Variants in MFAP3L observed in about 807,000 individuals in gnomAD.
MFAP3L encodes the protein microfibrillar-associated protein 3-like.
A neutral mutation model predicts 20.0 loss-of-function variants in MFAP3L; 5 were observed. The observed-to-expected ratio is 0.25, with a 90% confidence interval of 0.13 to 0.53. The LOEUF is 0.53. Ranked by LOEUF, MFAP3L falls within the 20% of genes least tolerant of loss-of-function variation. The pLI is 0.96. For synonymous variants in MFAP3L, 219 were observed against 213.0 expected (o/e 1.03, Z -0.25); for missense variants, 409 against 527.5 (o/e 0.78, Z 2.20).
chr4:170,014,404 G>C (rs1344119627), intron 1 of MFAP3L, among the ~76,000 whole-genome samples: 1 of 152,244 alleles, frequency 6.6e-6, no homozygotes, highest in Non-Finnish European at 1.5e-5. Flanking sequence ...GGCAGGAGCT[G>C]ATGGATGTCT....
At chr4:169,998,379 CT>C (rs1223924304) in intron 2 of MFAP3L, among the ~76,000 whole-genome samples, 1 of 152,232 alleles carries the variant, frequency 6.6e-6, no homozygotes, top group Non-Finnish European at 1.5e-5. Context: ...ACACAAACAA[CT>C]TCTGAGCAAA....
chr4:169,991,169 C>T lies in MFAP3L; in HGVS notation c.*209G>A, dbSNP rs1266929512. ...AGACACCTTCTGTCTGGTATCAATT[C>T]TGCACCCTGATGTTTCTCGCACCCT... On this transcript the variant is annotated 3_prime_UTR_variant, in exon 3 of 3. Coordinates refer to ENST00000361618, the MANE Select transcript of MFAP3L (RefSeq NM_021647.8). The surrounding 1 kb of genome is among the most constrained non-coding windows in gnomAD (Gnocchi z 4.9). The T allele has an allele frequency of 5.1e-6, 3 of 593,846 alleles. No individual in the cohort carries two copies. Among genetic ancestry groups the T allele is most frequent in the Non-Finnish European group, 8.9e-6 (3 of 338,126 alleles). 36.8% of individuals were successfully genotyped at this position (593,846 alleles called of 1,614,324 possible).
chr4:169,992,302 C>T lies in MFAP3L; in HGVS notation c.306G>A (p.Trp102Ter). ...TCAGGAGGCCGCTGTCGTGCATTTG[C>T]CATTTTCCTGTCGGAAGGGAGAGAA... is the stretch of plus-strand genomic sequence containing the variant. The part of the protein sequence containing the change: ...EDEKERGGGK[W>*]QMHDSGLLNI... The change falls in exon 3 of 3, where the codon TGG becomes TGA. Residue 102 changes from tryptophan to a stop codon, truncating the protein, a stop_gained. Transcript: ENST00000361618. LOFTEE classifies it high-confidence loss of function. This position sits in a 1 kb window ranked among gnomAD's most constrained non-coding sequence, Gnocchi z 4.3. 1 of 1,604,694 alleles carries T rather than the reference C, an allele frequency of 6.2e-7. No individual in the cohort carries two copies. The highest frequency in any genetic ancestry group is 2.2e-5 in the East Asian group (1 of 44,698).
chr4:170,019,530 C>T (rs570974926), intron 1 of MFAP3L, among the ~76,000 whole-genome samples: 5 of 152,082 alleles, frequency 3.3e-5, no homozygotes, highest in Admixed American at 1.3e-4. Context: ...GGCAACAGAG[C>T]GAGACCTCAT....
rs759421553 is a variant in MFAP3L at position 169,991,724 on chromosome 4, C to T, written c.884G>A (p.Arg295Gln). The change falls in exon 3 of 3, where the codon CGG becomes CAG. Residue 295 changes from arginine to glutamine, a missense_variant. Arg to Gln is a conservative substitution (Grantham distance 43). This residue lies in a region of MFAP3L where 169 missense variants were observed against 178.2 expected (regional missense o/e 0.95). Coordinates refer to ENST00000361618, the MANE Select transcript of MFAP3L (RefSeq NM_021647.8). The surrounding 1 kb of genome is among the most constrained non-coding windows in gnomAD (Gnocchi z 4.9). ...CGAGTCAGCGGCAGGGGAGTCGCTC[C>T]GCTTCAGAGAGTTGGGGATTGTGTA... is the stretch of plus-strand genomic sequence containing the variant. ...EVYTIPNSLK[R>Q]SDSPAADSDA... 57 of 1,613,936 alleles carry T rather than the reference C, an allele frequency of 3.5e-5. No individual in the cohort carries two copies. Among genetic ancestry groups the T allele is most frequent in the South Asian group, 2.5e-4 (23 of 91,068 alleles).
chr4:170,003,798 C>T, intron 2 of MFAP3L: 12 of 985,432 alleles, frequency 1.2e-5, no homozygotes, highest in Non-Finnish European at 1.4e-5. Context: ...ACCTGGCCTG[C>T]AGTGTCTTTG....
At chr4:170,022,229 G>C (rs867084333) in intron 1 of MFAP3L, among the ~76,000 whole-genome samples, 1 of 152,204 alleles carries the variant, frequency 6.6e-6, no homozygotes, top group South Asian at 2.1e-4. Flanking sequence ...CCAGAGACCT[G>C]AATTACAGCA....
upstream of MFAP3L, chr4:170,027,240 A>G (rs904420344): frequency 1.8e-4 from 12 of 66,652 alleles, no homozygotes; most frequent in Non-Finnish European, 3.9e-4. Context: ...TTTTTTTTTT[A>G]ATTTTAAAAG....
chr4:169,994,625 A>G, intron 2 of MFAP3L: 1 of 860,402 alleles, frequency 1.2e-6, no homozygotes, highest in African/African-American at 1.8e-5. Context: ...AAGCAGTTCA[A>G]TTTAGACAAC....
intron 1 of MFAP3L, among the ~76,000 whole-genome samples, chr4:170,010,873 G>C (rs1739337195): frequency 6.6e-6 from 1 of 152,092 alleles, no homozygotes. Context: ...TAGATAATTA[G>C]GGTGATCTCT....
chr4:170,004,117 C>A (rs1377380861), intron 2 of MFAP3L, among the ~76,000 whole-genome samples: 1 of 152,040 alleles, frequency 6.6e-6, no homozygotes, highest in Non-Finnish European at 1.5e-5. Flanking sequence ...CCACCATGTC[C>A]GGCTAATTTT....
chr4:170,017,025 C>G (rs1327656978), intron 1 of MFAP3L, among the ~76,000 whole-genome samples: 1 of 152,216 alleles, frequency 6.6e-6, no homozygotes, highest in Non-Finnish European at 1.5e-5. Context: ...CGCACAGTCC[C>G]TCATTCCTGT....
At chr4:170,009,974 T>C (rs17055385) in intron 1 of MFAP3L, among the ~76,000 whole-genome samples, 14,050 of 152,262 alleles carry the variant, frequency 0.092, 986 homozygotes, top group African/African-American at 0.19. Context: ...CAACTGGATT[T>C]TGTTGCAACA....
intron 2 of MFAP3L, among the ~76,000 whole-genome samples, chr4:169,998,540 A>G (rs555187819): frequency 9.1e-4 from 138 of 152,334 alleles, no homozygotes; most frequent in African/African-American, 3.3e-3. Context: ...TTCCAGGTTT[A>G]CCTTAGGATC....
In MFAP3L at chr4:169,991,291, A is replaced by T; in HGVS notation, c.*87T>A. On this transcript the variant is annotated 3_prime_UTR_variant, in exon 3 of 3. Coordinates refer to ENST00000361618, the MANE Select transcript of MFAP3L (RefSeq NM_021647.8). The surrounding 1 kb of genome is among the most constrained non-coding windows in gnomAD (Gnocchi z 4.9). Reference sequence around the variant, plus strand: ...ACCTAAGGGATGAGAGTCTCCTGGTAAGGCTTAGCGGCAAGTGCGTACTAC... The same window carrying T: ...ACCTAAGGGATGAGAGTCTCCTGGTTAGGCTTAGCGGCAAGTGCGTACTAC... 2 of 1,374,760 alleles carry T rather than the reference A, an allele frequency of 1.5e-6. No individual in the cohort carries two copies. The highest frequency in any genetic ancestry group is 1.4e-5 in the South Asian group (1 of 72,016). 85.2% of individuals were successfully genotyped at this position (1,374,760 alleles called of 1,614,324 possible). A position where few individuals can be genotyped will look rare whatever the true frequency, so the allele number is the denominator to read the frequency against.
chr4:170,022,859 C>T (rs2111082122), intron 1 of MFAP3L, among the ~76,000 whole-genome samples: 1 of 152,290 alleles, frequency 6.6e-6, no homozygotes, highest in South Asian at 2.1e-4. Flanking sequence ...CAAGGCCCTG[C>T]AGAGTCTCTG....
In MFAP3L at chr4:169,989,184, G is replaced by A. The variant is rs1158947890; in HGVS notation, c.*2194C>T. ...TTTCTGCAACCCAAAAACATACAAT[G>A]CTAGTCCAGAAAGCCCAACAGGAGT... On this transcript the variant is annotated 3_prime_UTR_variant, in exon 3 of 3. Coordinates refer to ENST00000361618, the MANE Select transcript of MFAP3L (RefSeq NM_021647.8). 1 of 152,132 alleles carries A rather than the reference G, an allele frequency of 6.6e-6. No individual in the cohort carries two copies. Among genetic ancestry groups the A allele is most frequent in the Non-Finnish European group, 1.5e-5 (1 of 68,030 alleles). The allele number at this position is 152,132 out of a possible 1,614,324, so 9.4% of individuals were successfully genotyped here.
chr4:169,998,797 A>G (rs1001888424), intron 2 of MFAP3L, among the ~76,000 whole-genome samples: 5 of 152,262 alleles, frequency 3.3e-5, no homozygotes, highest in African/African-American at 4.8e-5. Context: ...GAGAAGAATT[A>G]AATCTGCCAA....
chr4:170,002,542 G>A (rs907148628), intron 2 of MFAP3L, among the ~76,000 whole-genome samples: 5 of 151,654 alleles, frequency 3.3e-5, no homozygotes, highest in African/African-American at 4.9e-5. Flanking sequence ...ACAGAGTCTC[G>A]TTCTGTCACC....
Sources: gnomAD v4.1 joint callset for allele counts (sites outside exome capture counted in the v4.1 genomes callset) on GRCh38, gnomAD v4.1.1 for gene constraint, gnomAD v4.1.1 regional missense constraint, Gnocchi (gnomAD v3.1) non-coding constraint, MANE v1.5 for transcripts, NCBI Gene and HGNC (gene_info 2026-07-23, HGNC 2026-07-21) for gene names.